The following CLCN3 variants were observed in gnomAD, a reference collection of about 807,000 sequenced individuals.
The protein encoded by CLCN3 is Cl-/H+ antiporter 3.
A neutral mutation model predicts 83.4 loss-of-function variants in CLCN3; 16 were observed. The ratio of observed to expected loss-of-function variants is 0.19; its 90% CI spans 0.13 to 0.29. The LOEUF (loss-of-function observed/expected upper bound fraction) is 0.29, where lower values mean the gene tolerates loss of function less well. Ranked by LOEUF, CLCN3 falls within the 10% of genes least tolerant of loss-of-function variation. The pLI, the probability that CLCN3 is intolerant of heterozygous loss-of-function variation, is 1.00. For missense variants in CLCN3, 544 were observed against 1,006.0 expected (o/e 0.54, Z 6.21); for synonymous variants, 322 against 346.2 (o/e 0.93, Z 0.78).
chr4:169,709,581 A>C (rs1733128980), intron 11 of CLCN3, among the ~76,000 whole-genome samples: 1 of 151,872 alleles, frequency 6.6e-6, no homozygotes. Flanking sequence ...GCTACTTGGG[A>C]GGCTGAGGCA....
chr4:169,701,351 A>G (rs538450786), intron 9 of CLCN3, among the ~76,000 whole-genome samples: 1 of 152,000 alleles, frequency 6.6e-6, no homozygotes, highest in South Asian at 2.1e-4. Context: ...TATTTCCACC[A>G]CTCTGTAGTT....
At chr4:169,704,507 C>T (rs982961495) in intron 10 of CLCN3, among the ~76,000 whole-genome samples, 2 of 152,166 alleles carry the variant, frequency 1.3e-5, no homozygotes, top group Non-Finnish European at 2.9e-5. Context: ...ATTCTTTCAT[C>T]GTTAAGGATC....
At position 169,721,399 on chromosome 4, in the gene CLCN3, T is replaced by A. The variant is rs941877764; in HGVS notation, c.*1402T>A. On this transcript the variant is annotated 3_prime_UTR_variant, in exon 13 of 13. Transcript: ENST00000513761. The stretch of plus-strand genomic sequence containing the variant: ...ACCTTTCTCTGATCTTTCACTGCCA[T>A]CCTCTGGATTATGTCTTCTGACCTG... 1.1e-4 allele frequency: 16 copies of A among 152,314 alleles called. No homozygotes were observed. The highest frequency in any genetic ancestry group is 9.8e-4 in the Admixed American group (15 of 15,300). 9.4% of individuals were successfully genotyped at this position (152,314 alleles called of 1,614,324 possible).
chr4:169,635,899 T>C lies in CLCN3; in HGVS notation c.-16-14T>C, dbSNP rs746091406. On this transcript the variant is annotated splice_polypyrimidine_tract_variant and intron_variant, in intron 1 of 12. Coordinates refer to ENST00000513761, the MANE Select transcript of CLCN3 (RefSeq NM_001829.4). ...TGTTTGAAAAATGTTAAAACTACTT[T>C]TTCCCCCCCACAGATAATCAGACAG... 1 of 1,509,168 alleles carries C rather than the reference T, an allele frequency of 6.6e-7. No individual in the cohort carries two copies. The highest frequency in any genetic ancestry group is 2.3e-5 in the Admixed American group (1 of 44,136). The allele number at this position is 1,509,168 out of a possible 1,614,324, so 93.5% of individuals were successfully genotyped here.
chr4:169,656,640 G>T (rs534049270), intron 2 of CLCN3, among the ~76,000 whole-genome samples: 1 of 152,298 alleles, frequency 6.6e-6, no homozygotes, highest in South Asian at 2.1e-4. Flanking sequence ...AGGGGTAAAG[G>T]TTGTAATTTT....
chr4:169,642,123 G>A (rs1179094852), intron 2 of CLCN3, among the ~76,000 whole-genome samples: 1 of 151,690 alleles, frequency 6.6e-6, no homozygotes, highest in Non-Finnish European at 1.5e-5. Flanking sequence ...TTGTAGAGAT[G>A]GGATCTCACT....
chr4:169,668,730 A>ATTTTTTTT (rs538629875), intron 2 of CLCN3, among the ~76,000 whole-genome samples: 2 of 141,738 alleles, frequency 1.4e-5, no homozygotes, highest in Non-Finnish European at 1.5e-5. Flanking sequence ...AAAGTTTTTG[A>ATTTTTTTT]TTTTTTTTTT....
rs996230929 is a variant in CLCN3 at position 169,663,586 on chromosome 4, T to C, written c.161-16464T>C. 22 of 419,752 alleles carry C rather than the reference T, an allele frequency of 5.2e-5. No homozygotes were observed. The Admixed American group carries it at 5.8e-4, about 11-fold the overall frequency. 26.0% of individuals were successfully genotyped at this position (419,752 alleles called of 1,614,324 possible). ...AACTCCTGGGCTCAAGCAACCCTCC[T>C]GCCTTGGCCTCCCAAGTAGCTGAGA... On this transcript the variant is annotated intron_variant, in intron 2 of 12. Coordinates refer to ENST00000513761, the MANE Select transcript of CLCN3 (RefSeq NM_001829.4).
chr4:169,678,205 A>G (rs894951759), intron 2 of CLCN3, among the ~76,000 whole-genome samples: 2 of 152,208 alleles, frequency 1.3e-5, no homozygotes, highest in Non-Finnish European at 2.9e-5. Context: ...ATCATTTTCT[A>G]ATTTTACAGA....
At chr4:169,709,820 G>A (rs1029840250) in intron 11 of CLCN3, among the ~76,000 whole-genome samples, 1 of 152,036 alleles carries the variant, frequency 6.6e-6, no homozygotes, top group Admixed American at 6.6e-5. Flanking sequence ...TATTTAAAAG[G>A]CCCTTGAATG....
chr4:169,713,316 A>G lies in CLCN3; in HGVS notation c.2366+21A>G, dbSNP rs1438011497. ...AATGGGTAAGTCTGGTACCACAGGAATCAGTTCACTTGCTAGAATATAGGA... is the reference window on the plus strand; with the variant it reads ...AATGGGTAAGTCTGGTACCACAGGAGTCAGTTCACTTGCTAGAATATAGGA... On this transcript the variant is annotated intron_variant, in intron 12 of 12. Transcript: ENST00000513761. 4.5e-6 allele frequency: 7 copies of G among 1,557,060 alleles called. No homozygotes were observed. The South Asian group carries it at 7.8e-5, about 17-fold the overall frequency.
intron 2 of CLCN3, among the ~76,000 whole-genome samples, chr4:169,641,482 G>T (rs2150206342): frequency 6.6e-6 from 1 of 152,318 alleles, no homozygotes; most frequent in South Asian, 2.1e-4. Flanking sequence ...TCAAGGTGTT[G>T]TGATCCTACC....
intron 2 of CLCN3, among the ~76,000 whole-genome samples, chr4:169,675,580 A>G (rs1731644433): frequency 6.6e-6 from 1 of 152,202 alleles, no homozygotes; most frequent in African/African-American, 2.4e-5. Context: ...ATTTTCAATA[A>G]TAACCTCTGA....
rs140835570 is a variant in CLCN3 at position 169,641,179 on chromosome 4, C to T, written c.160+5091C>T. Among the ~76,000 whole-genome samples, 473 of 152,238 alleles carry T rather than the reference C, an allele frequency of 3.1e-3. 3 individuals carry two copies. Among genetic ancestry groups the T allele is most frequent in the African/African-American group, 0.01 (436 of 41,540 alleles). Reference sequence around the variant, plus strand: ...CTGAGGCAAGAGGATTGCTTGAGCCCAGGTATTCAAGGCTGTGGGGTGCTA... The same window carrying T: ...CTGAGGCAAGAGGATTGCTTGAGCCTAGGTATTCAAGGCTGTGGGGTGCTA... On this transcript the variant is annotated intron_variant, in intron 2 of 12. Transcript: ENST00000513761.
At chr4:169,651,526 A>G (rs1027535592) in intron 2 of CLCN3, among the ~76,000 whole-genome samples, 1 of 152,180 alleles carries the variant, frequency 6.6e-6, no homozygotes, top group African/African-American at 2.4e-5. Context: ...ATATAAAATG[A>G]CATAGTATTT....
chr4:169,635,781 G>A, intron 1 of CLCN3, 132 bp from the exon 2 acceptor site: 1 of 534,532 alleles, frequency 1.9e-6, no homozygotes, highest in Non-Finnish European at 3.0e-6. Context: ...CTTAATAAAG[G>A]TAACTATTGT....
Position 169,695,866 on chromosome 4 carries a change from T to C in CLCN3, c.1017+174T>C, listed in dbSNP as rs1382598504. 5.9e-5 allele frequency among the ~76,000 whole-genome samples: 9 copies of C among 152,218 alleles called. No homozygotes were observed. The East Asian group carries it at 1.7e-3, about 29-fold the overall frequency. ...AAAAGTAAATGTTATTCATGCTCCA[T>C]ACCTGGAGGAAACTTTTTAAAAATT... On this transcript the variant is annotated intron_variant, in intron 8 of 12. Coordinates refer to ENST00000513761, the MANE Select transcript of CLCN3 (RefSeq NM_001829.4).
At position 169,690,516 on chromosome 4, in the gene CLCN3, T is replaced by G. The variant is rs1732327357; in HGVS notation, c.607-14T>G. On this transcript the variant is annotated splice_polypyrimidine_tract_variant and intron_variant, in intron 5 of 12. Transcript: ENST00000513761. ...GTAAATTAAATTCATACTCTCGAACTATTTTCTTTTTAGGGTCCTGGTTCT... is the reference window on the plus strand; with the variant it reads ...GTAAATTAAATTCATACTCTCGAACGATTTTCTTTTTAGGGTCCTGGTTCT... 2 of 1,601,668 alleles carry G rather than the reference T, an allele frequency of 1.2e-6. No individual in the cohort carries two copies. Among genetic ancestry groups the G allele is most frequent in the African/African-American group, 1.4e-5 (1 of 73,958 alleles).
chr4:169,712,507 A>G (rs1733260827), intron 11 of CLCN3, among the ~76,000 whole-genome samples: 1 of 152,208 alleles, frequency 6.6e-6, no homozygotes, highest in Non-Finnish European at 1.5e-5. Flanking sequence ...TGTGTGCATT[A>G]TGAGCATAAT....
Sources: gnomAD v4.1 joint callset for allele counts (sites outside exome capture counted in the v4.1 genomes callset) on GRCh38, gnomAD v4.1.1 for gene constraint, MANE v1.5 for transcripts, NCBI Gene and HGNC (gene_info 2026-07-23, HGNC 2026-07-21) for gene names.